Variants in VRK1 observed in about 807,000 individuals in gnomAD.
VRK1 encodes VRK serine/threonine kinase 1, also known as serine/threonine-protein kinase VRK1.
VRK1 carries 33 observed loss-of-function variants against 57.1 expected under a neutral mutation model. The ratio of observed to expected loss-of-function variants is 0.58; its 90% confidence interval spans 0.44 to 0.77. The LOEUF is 0.77. VRK1 is among the 30% of genes least tolerant of loss of function. The pLI, the probability that VRK1 is intolerant of heterozygous loss-of-function variation, is 0.00. For missense variants in VRK1, 413 were observed against 477.3 expected (o/e 0.87, Z 1.25); for synonymous variants, 137 against 147.8 (o/e 0.93, Z 0.53).
chr14:96,830,709 G>A (rs1346522255), intron 1 of VRK1, among the ~76,000 whole-genome samples: 1 of 152,018 alleles, frequency 6.6e-6, no homozygotes. Context: ...TTGTTGCTGA[G>A]TTTCGTATGC....
chr14:96,877,307 A>T, intron 12 of VRK1: 1 of 325,656 alleles, frequency 3.1e-6, no homozygotes, highest in East Asian at 7.7e-5. Context: ...TCTTCATTAC[A>T]TATTATGGTT....
intron 1 of VRK1, among the ~76,000 whole-genome samples, chr14:96,811,784 T>A (rs56860405): frequency 8.6e-5 from 13 of 151,760 alleles, no homozygotes; most frequent in Non-Finnish European, 1.8e-4. Context: ...TTTTTTTTTT[T>A]AAAGCAAACA....
chr14:96,870,707 T>A (rs188072247), intron 11 of VRK1, among the ~76,000 whole-genome samples: 1 of 152,318 alleles, frequency 6.6e-6, no homozygotes, highest in East Asian at 1.9e-4. Flanking sequence ...TTTTTCTAGG[T>A]TGTGCTTGCT....
At position 96,881,393 on chromosome 14, in the gene VRK1, T is replaced by C. The variant is rs1889253979; in HGVS notation, c.*185T>C. 1 of 577,058 alleles carries C rather than the reference T, an allele frequency of 1.7e-6. No homozygotes were observed. Among genetic ancestry groups the C allele is most frequent in the Admixed American group, 3.3e-5 (1 of 30,248 alleles). The allele number at this position is 577,058 out of a possible 1,614,324, so 35.7% of individuals were successfully genotyped here. ...TTTGTACAATTCATTAAAGGCTAATTTATGAAATTTGAAAATCTTCAGGTT... is the reference window on the plus strand; with the variant it reads ...TTTGTACAATTCATTAAAGGCTAATCTATGAAATTTGAAAATCTTCAGGTT... On this transcript the variant is annotated 3_prime_UTR_variant, in exon 13 of 13. Transcript: ENST00000216639.
At chr14:96,823,591 G>A (rs1044401080) in intron 1 of VRK1, among the ~76,000 whole-genome samples, 1 of 152,144 alleles carries the variant, frequency 6.6e-6, no homozygotes, top group South Asian at 2.1e-4. Context: ...TTTTTTATCT[G>A]CTGCATCTAG....
intron 11 of VRK1, among the ~76,000 whole-genome samples, chr14:96,866,681 A>G (rs915979228): frequency 1.3e-5 from 2 of 152,144 alleles, no homozygotes; most frequent in East Asian, 1.9e-4. Flanking sequence ...TTCTCCCCCA[A>G]GCTGCCTGAC....
chr14:96,805,689 G>A (rs750717107), intron 1 of VRK1, among the ~76,000 whole-genome samples: 3 of 152,108 alleles, frequency 2.0e-5, no homozygotes, highest in Non-Finnish European at 4.4e-5. Context: ...TTCCTATTTA[G>A]AACATGGAAA....
At chr14:96,876,143 G>T (rs758313613) in intron 12 of VRK1, 23 bp downstream of exon 12, 1 of 1,611,308 alleles carries the variant, frequency 6.2e-7, no homozygotes, top group African/African-American at 1.3e-5. Flanking sequence ...GTTTTGCCTA[G>T]CTGCTTTCAT....
intron 10 of VRK1, among the ~76,000 whole-genome samples, chr14:96,857,075 A>G (rs1296192673): frequency 6.6e-6 from 1 of 152,220 alleles, no homozygotes; most frequent in Non-Finnish European, 1.5e-5. Context: ...ACATTAAGTT[A>G]GTAAATATTG....
intron 10 of VRK1, among the ~76,000 whole-genome samples, chr14:96,857,212 C>G (rs548787113): frequency 7.9e-5 from 12 of 151,558 alleles, no homozygotes; most frequent in African/African-American, 2.9e-4. Context: ...TTTATATGTT[C>G]CCCCTGGTTA....
At chr14:96,830,152 A>G (rs865798935) in intron 1 of VRK1, among the ~76,000 whole-genome samples, 17 of 152,258 alleles carry the variant, frequency 1.1e-4, no homozygotes, top group African/African-American at 3.6e-4. Context: ...TTCATTTACT[A>G]TTAAGTTAAC....
At chr14:96,813,427 C>T (rs1213063528) in intron 1 of VRK1, among the ~76,000 whole-genome samples, 1 of 152,090 alleles carries the variant, frequency 6.6e-6, no homozygotes, top group East Asian at 1.9e-4. Context: ...AAGATAGTCT[C>T]ATTAAGTGCA....
At chr14:96,854,269 C>T (rs1161504447) in intron 7 of VRK1, among the ~76,000 whole-genome samples, 3 of 152,118 alleles carry the variant, frequency 2.0e-5, no homozygotes, top group Admixed American at 6.5e-5. Context: ...ATAGTCTGGA[C>T]TTGTACAGTA....
chr14:96,825,429 A>G (rs1040741571), intron 1 of VRK1, among the ~76,000 whole-genome samples: 2 of 152,208 alleles, frequency 1.3e-5, no homozygotes, highest in Non-Finnish European at 2.9e-5. Flanking sequence ...ATAAAGTTAG[A>G]TATCTGGTAG....
chr14:96,864,189 A>G (rs554564345), intron 11 of VRK1, among the ~76,000 whole-genome samples: 16 of 152,170 alleles, frequency 1.1e-4, no homozygotes, highest in African/African-American at 3.9e-4. Context: ...CTTTATTTTG[A>G]ACTTCTTATT....
At chr14:96,868,221 C>A (rs1233343266) in intron 11 of VRK1, among the ~76,000 whole-genome samples, 1 of 152,118 alleles carries the variant, frequency 6.6e-6, no homozygotes, top group Non-Finnish European at 1.5e-5. Context: ...CATTAACACA[C>A]AAATACCTCA....
chr14:96,875,589 T>G (rs930969990), intron 11 of VRK1, among the ~76,000 whole-genome samples: 2 of 152,184 alleles, frequency 1.3e-5, no homozygotes, highest in Non-Finnish European at 2.9e-5. Context: ...AGACATACAT[T>G]TTTTCCATTT....
At chr14:96,817,046 A>G (rs1886421463) in intron 1 of VRK1, among the ~76,000 whole-genome samples, 1 of 152,220 alleles carries the variant, frequency 6.6e-6, no homozygotes, top group African/African-American at 2.4e-5. Context: ...GGTTTGCTTT[A>G]AAATAATCTT....
At chr14:96,809,202 C>T (rs1374438280) in intron 1 of VRK1, among the ~76,000 whole-genome samples, 1 of 152,162 alleles carries the variant, frequency 6.6e-6, no homozygotes, top group Non-Finnish European at 1.5e-5. Context: ...CTGAGAGTGG[C>T]TTATCTTCAG....
Sources: gnomAD v4.1 joint callset for allele counts (sites outside exome capture counted in the v4.1 genomes callset) on GRCh38, gnomAD v4.1.1 for gene constraint, MANE v1.5 for transcripts, NCBI Gene and HGNC (gene_info 2026-07-23, HGNC 2026-07-21) for gene names.